The following KLHL13 variants were observed in gnomAD, a reference collection of about 807,000 sequenced individuals.
The protein encoded by KLHL13 is kelch like family member 13, also known as kelch-like protein 13.
Under a neutral mutation model 37.1 loss-of-function variants are expected in KLHL13, and 10 were observed. The ratio of observed to expected loss-of-function variants is 0.27; its 90% CI spans 0.17 to 0.46. The LOEUF is 0.46. KLHL13 is among the 20% of genes least tolerant of loss of function. The pLI is 1.00. For missense variants in KLHL13, 360 were observed against 509.3 expected (o/e 0.71, Z 2.82); for synonymous variants, 163 against 181.2 (o/e 0.90, Z 0.81).
chrX:118,004,380 C>T (rs2053958469), intron 1 of KLHL13, among the ~76,000 whole-genome samples: 1 of 111,613 alleles, frequency 9.0e-6, no homozygotes, highest in African/African-American at 3.3e-5. Flanking sequence ...GATTTTGGTT[C>T]GAGATATGAT....
chrX:118,087,097 C>A (rs147271805), intron 1 of KLHL13, among the ~76,000 whole-genome samples: 2 of 111,356 alleles, frequency 1.8e-5, no homozygotes, highest in African/African-American at 6.5e-5. Flanking sequence ...ATGCCCAAGC[C>A]TCCAAAGTTT....
chrX:118,108,017 T>C lies in KLHL13; in HGVS notation c.-56+8491A>G, dbSNP rs540767824. On this transcript the variant is annotated intron_variant, in intron 1 of 6. Transcript: ENST00000371882. ...GTAGTGAGCCTTGACTTTGCACCAC[T>C]GCACTCCAGCCTGAGTGACAGAATG... 2.3e-4 allele frequency among the ~76,000 whole-genome samples: 26 copies of C among 111,966 alleles called. No individual in the cohort carries two copies. In the South Asian group the frequency reaches 6.1e-3, roughly 26 times the overall value.
intron 1 of KLHL13, among the ~76,000 whole-genome samples, chrX:118,010,155 G>T (rs1239909196): frequency 1.0e-5 from 1 of 99,294 alleles, no homozygotes; most frequent in Non-Finnish European, 2.0e-5. Flanking sequence ...CTGTAAACTA[G>T]TTCAACCATT....
At chrX:117,943,755 T>C (rs2147796333) in intron 2 of KLHL13, among the ~76,000 whole-genome samples, 1 of 109,909 alleles carries the variant, frequency 9.1e-6, no homozygotes, top group South Asian at 3.9e-4. Context: ...CTTAGCTTCC[T>C]TGCATTGGGT....
chrX:118,101,738 C>T (rs1041011575), intron 1 of KLHL13, among the ~76,000 whole-genome samples: 1 of 110,974 alleles, frequency 9.0e-6, no homozygotes, highest in Non-Finnish European at 1.9e-5. Flanking sequence ...GATTGGATCA[C>T]AGGTGCAGTT....
At chrX:117,955,563 A>G (rs1050530440) in intron 1 of KLHL13, among the ~76,000 whole-genome samples, 10 of 111,653 alleles carry the variant, frequency 9.0e-5, no homozygotes, top group African/African-American at 3.3e-4. Flanking sequence ...TACGTTTTCA[A>G]TATGACAGCC....
At chrX:117,988,119 C>A (rs922592006) in intron 1 of KLHL13, among the ~76,000 whole-genome samples, 1 of 111,807 alleles carries the variant, frequency 8.9e-6, no homozygotes, top group African/African-American at 3.2e-5. Context: ...TCCTTAGGGC[C>A]TGGTAGAAAA....
chrX:118,024,937 C>T (rs1176964842), intron 1 of KLHL13, among the ~76,000 whole-genome samples: 10 of 112,312 alleles, frequency 8.9e-5, no homozygotes, highest in African/African-American at 3.2e-4. Flanking sequence ...ATTCTAATAA[C>T]AGTTTTATGC....
chrX:118,073,486 G>C (rs1165469133), intron 1 of KLHL13, among the ~76,000 whole-genome samples: 1 of 111,302 alleles, frequency 9.0e-6, no homozygotes, highest in Non-Finnish European at 1.9e-5. Context: ...TGAGATTTGG[G>C]TGGGGACACA....
chrX:118,081,301 C>A (rs1198497931), intron 1 of KLHL13, among the ~76,000 whole-genome samples: 10 of 111,410 alleles, frequency 9.0e-5, no homozygotes, highest in Non-Finnish European at 1.9e-5. Flanking sequence ...TGTGTGCACA[C>A]CTGTGCCAAA....
chrX:118,032,639 G>T (rs1332377742), intron 1 of KLHL13, among the ~76,000 whole-genome samples: 1 of 111,611 alleles, frequency 9.0e-6, no homozygotes, highest in African/African-American at 3.3e-5. Flanking sequence ...CAAAGATGGG[G>T]AAAAAACAGA....
At chrX:117,912,775 G>A (rs954101377) in intron 4 of KLHL13, among the ~76,000 whole-genome samples, 3 of 111,364 alleles carry the variant, frequency 2.7e-5, no homozygotes, top group African/African-American at 9.8e-5. Flanking sequence ...TAGGCACATA[G>A]TTGGTATATA....
chrX:117,980,970 C>T (rs191053864), intron 1 of KLHL13, among the ~76,000 whole-genome samples: 1 of 111,877 alleles, frequency 8.9e-6, no homozygotes, highest in East Asian at 2.8e-4. Flanking sequence ...CTGGTCAATA[C>T]TTCTATTTTC....
At chrX:117,913,850 A>C (rs1931157982) in intron 4 of KLHL13, among the ~76,000 whole-genome samples, 1 of 107,465 alleles carries the variant, frequency 9.3e-6, no homozygotes, top group African/African-American at 3.4e-5. Context: ...AAAAAAAAGA[A>C]AAAAAAAAAA....
chrX:118,097,607 A>G (rs1412454662), intron 1 of KLHL13, among the ~76,000 whole-genome samples: 1 of 111,933 alleles, frequency 8.9e-6, no homozygotes, highest in Non-Finnish European at 1.9e-5. Context: ...ACCAAAAAAG[A>G]GCCCGCATTG....
chrX:118,062,866 T>C (rs922729854), intron 1 of KLHL13, among the ~76,000 whole-genome samples: 2 of 111,296 alleles, frequency 1.8e-5, no homozygotes, highest in Admixed American at 1.9e-4. Context: ...TCCCTGAATC[T>C]GGTGAAAAGG....
chrX:118,074,485 T>A (rs948362843), intron 1 of KLHL13, among the ~76,000 whole-genome samples: 5 of 111,582 alleles, frequency 4.5e-5, no homozygotes, highest in African/African-American at 1.6e-4. Context: ...TCCATGGATG[T>A]CCCCACTCCT....
At chrX:118,109,779 G>T (rs887758634) in intron 1 of KLHL13, among the ~76,000 whole-genome samples, 1 of 112,075 alleles carries the variant, frequency 8.9e-6, no homozygotes, top group Non-Finnish European at 1.9e-5. Flanking sequence ...TTTGTTGAAT[G>T]AATTGGCAGA....
intron 1 of KLHL13, among the ~76,000 whole-genome samples, chrX:118,090,252 C>T (rs1191633896): frequency 9.0e-6 from 1 of 110,582 alleles, no homozygotes; most frequent in Non-Finnish European, 1.9e-5. Context: ...GTCTAAAACA[C>T]CAAAAGCCAA....
Sources: allele counts gnomAD v4.1 joint callset (sites outside exome capture counted in the v4.1 genomes callset), GRCh38; gene constraint gnomAD v4.1.1; transcripts MANE v1.5; gene names NCBI Gene and HGNC (gene_info 2026-07-23, HGNC 2026-07-21).